The following ALDH1A1 variants were observed in gnomAD, a reference collection of about 807,000 sequenced individuals.
ALDH1A1 encodes aldehyde dehydrogenase 1A1.
In ALDH1A1, 19 loss-of-function variants were observed where a neutral mutation model predicts 62.1. The observed-to-expected ratio is 0.31, with a 90% CI of 0.21 to 0.45. ALDH1A1 has a LOEUF of 0.45. Ranked by LOEUF, ALDH1A1 falls within the 20% of genes least tolerant of loss-of-function variation. ALDH1A1 has a pLI of 1.00. For missense variants in ALDH1A1, 521 were observed against 607.1 expected (o/e 0.86, Z 1.49); for synonymous variants, 231 against 215.9 (o/e 1.07, Z -0.61).
chr9:72,940,466 A>G (rs771870809), intron 1 of ALDH1A1, among the ~76,000 whole-genome samples: 5 of 152,216 alleles, frequency 3.3e-5, no homozygotes, highest in African/African-American at 7.2e-5. Flanking sequence ...TAAGGTATGC[A>G]ATCAGTTCAA....
intron 10 of ALDH1A1, among the ~76,000 whole-genome samples, 188 bp downstream of exon 10, chr9:72,911,770 C>A (rs1829993493): frequency 6.6e-6 from 1 of 152,188 alleles, no homozygotes; most frequent in Non-Finnish European, 1.5e-5. Context: ...TGGCTGGCCC[C>A]ATGGATCCCT....
chr9:72,929,214 G>A (rs1243167743), intron 3 of ALDH1A1, among the ~76,000 whole-genome samples, 193 bp from the exon 4 acceptor site: 1 of 152,150 alleles, frequency 6.6e-6, no homozygotes, highest in African/African-American at 2.4e-5. Flanking sequence ...GGCACAAAGG[G>A]TAGTGAGATT....
chr9:72,905,021 A>G (rs1204211415), intron 12 of ALDH1A1, among the ~76,000 whole-genome samples: 4 of 152,106 alleles, frequency 2.6e-5, no homozygotes, highest in South Asian at 2.1e-4. Context: ...CTTCAGAGAT[A>G]TTTGTTTCCT....
chr9:72,939,204 T>C (rs1440105221), intron 2 of ALDH1A1, among the ~76,000 whole-genome samples: 2 of 152,178 alleles, frequency 1.3e-5, no homozygotes, highest in Non-Finnish European at 2.9e-5. Flanking sequence ...ATCTCATCAT[T>C]ATTTGTAAAA....
chr9:72,919,076 G>C (rs1830101674), intron 7 of ALDH1A1, among the ~76,000 whole-genome samples: 1 of 151,972 alleles, frequency 6.6e-6, no homozygotes, highest in Non-Finnish European at 1.5e-5. Context: ...TTAAAGATCT[G>C]GCACTTTTAG....
chr9:72,914,749 T>TA (rs777929138), intron 9 of ALDH1A1, among the ~76,000 whole-genome samples: 8 of 133,884 alleles, frequency 6.0e-5, no homozygotes, highest in Non-Finnish European at 9.9e-5. Context: ...ATATATATAT[T>TA]TTGTAATTGC....
At chr9:72,938,174 C>T (rs908670423) in intron 2 of ALDH1A1, among the ~76,000 whole-genome samples, 3 of 152,076 alleles carry the variant, frequency 2.0e-5, no homozygotes, top group Non-Finnish European at 4.4e-5. Context: ...AACTAAAACA[C>T]ATTGTCATGA....
chr9:72,908,599 GAAAGAAAGAAAGAAAGAAAGAAAGA>G (rs1829931713), intron 11 of ALDH1A1, among the ~76,000 whole-genome samples: 4 of 144,446 alleles, frequency 2.8e-5, no homozygotes, highest in African/African-American at 1.0e-4. Flanking sequence ...AAGAAAGAAA[GAAAGAAAGAAAGAAAGAAAGAAAGA>G]AAGAGAATAT....
chr9:72,936,441 C>T lies in ALDH1A1; in HGVS notation c.171+3707G>A, dbSNP rs554555057. ...GTTGCAAACTGCAAACAGATCTGGC[C>T]TTCCTCTTGAATGGAGAGAGAAAGT... On this transcript the variant is annotated intron_variant, in intron 2 of 12. Coordinates refer to ENST00000297785, the MANE Select transcript of ALDH1A1 (RefSeq NM_000689.5). Among the ~76,000 whole-genome samples, 77 of 152,246 alleles carry T rather than the reference C, an allele frequency of 5.1e-4. No individual in the cohort carries two copies. The South Asian group carries it at 0.016, about 31-fold the overall frequency.
At chr9:72,936,313 T>C (rs1185707447) in intron 2 of ALDH1A1, among the ~76,000 whole-genome samples, 1 of 152,202 alleles carries the variant, frequency 6.6e-6, no homozygotes, top group African/African-American at 2.4e-5. Flanking sequence ...AACTGGAACT[T>C]TGGGCATAGA....
intron 2 of ALDH1A1, among the ~76,000 whole-genome samples, chr9:72,933,859 C>T (rs1221000659): frequency 6.6e-6 from 1 of 152,104 alleles, no homozygotes; most frequent in Non-Finnish European, 1.5e-5. Context: ...GTGGCACAAA[C>T]ATGGCTCACC....
At chr9:72,937,478 C>T (rs181228919) in intron 2 of ALDH1A1, among the ~76,000 whole-genome samples, 20 of 152,096 alleles carry the variant, frequency 1.3e-4, no homozygotes, top group Admixed American at 1.2e-3. Flanking sequence ...TGCCTGGCAC[C>T]GTTGAAGAGC....
chr9:72,908,564 AAAG>A (rs567759215), intron 11 of ALDH1A1, among the ~76,000 whole-genome samples: 34 of 22,032 alleles, frequency 1.5e-3, no homozygotes, highest in African/African-American at 3.9e-3. Flanking sequence ...AGAAAGAAAG[AAAG>A]AAAGAAAGAA....
chr9:72,930,872 T>C lies in ALDH1A1; in HGVS notation c.312+7A>G, dbSNP rs983134456. On this transcript the variant is annotated splice_region_variant and intron_variant, in intron 3 of 12. Transcript: ENST00000297785. The stretch of plus-strand genomic sequence containing the variant: ...CTAGCTACCCATCCAGCTTGGATAA[T>C]ACTCACCGCCAGCAGCAGACGATCT... 3 of 1,613,826 alleles carry C rather than the reference T, an allele frequency of 1.9e-6. No homozygotes were observed. The highest frequency in any genetic ancestry group is 1.3e-5 in the African/African-American group (1 of 74,892).
intron 12 of ALDH1A1, among the ~76,000 whole-genome samples, chr9:72,904,251 GCTAA>G (rs758784559): frequency 2.6e-5 from 4 of 152,158 alleles, no homozygotes; most frequent in East Asian, 1.9e-4. Flanking sequence ...TTTTTGATGG[GCTAA>G]CTTTTTGTTC....
Position 72,924,142 on chromosome 9 carries a change from A to T in ALDH1A1, c.634-10T>A. ...CAGGAGGAAACCCTGCCTAAAAGAT[A>T]AAAAGTTTAAAAGTTACAGTATAAG... On this transcript the variant is annotated splice_polypyrimidine_tract_variant and intron_variant, in intron 6 of 12. Transcript: ENST00000297785. 4 of 1,579,364 alleles carry T rather than the reference A, an allele frequency of 2.5e-6. No homozygotes were observed. The highest frequency in any genetic ancestry group is 3.5e-6 in the Non-Finnish European group (4 of 1,158,470).
At chr9:72,936,350 C>T (rs769178566) in intron 2 of ALDH1A1, among the ~76,000 whole-genome samples, 1 of 152,138 alleles carries the variant, frequency 6.6e-6, no homozygotes, top group Non-Finnish European at 1.5e-5. Flanking sequence ...AAAATTAATC[C>T]CAGTGGCAAA....
intron 1 of ALDH1A1, 122 bp from the exon 2 acceptor site, chr9:72,940,374 C>G (rs1830401941): frequency 2.9e-6 from 2 of 696,160 alleles, no homozygotes; most frequent in African/African-American, 1.8e-5. Context: ...CTTCACCTCT[C>G]AAAACTTTCT....
At chr9:72,908,490 A>AAG (rs538628732) in intron 11 of ALDH1A1, among the ~76,000 whole-genome samples, 3 of 139,330 alleles carry the variant, frequency 2.2e-5, no homozygotes, top group African/African-American at 8.2e-5. Context: ...GAGAAAGAGA[A>AAG]AGAGAGAGAG....
Sources: gnomAD v4.1 joint callset for allele counts (sites outside exome capture counted in the v4.1 genomes callset) on GRCh38, gnomAD v4.1.1 for gene constraint, MANE v1.5 for transcripts, NCBI Gene and HGNC (gene_info 2026-07-23, HGNC 2026-07-21) for gene names.